The following HSD17B13 variants were observed in gnomAD, a reference collection of about 807,000 sequenced individuals.
HSD17B13 encodes the protein 17-beta-hydroxysteroid dehydrogenase 13.
A neutral mutation model predicts 31.1 loss-of-function variants in HSD17B13; 26 were observed. The ratio of observed to expected loss-of-function variants is 0.84; its 90% CI spans 0.61 to 1.16. The LOEUF (loss-of-function observed/expected upper bound fraction) is 1.16. Among genes scored for constraint, HSD17B13 ranks in the 50% most tolerant of loss-of-function variants. The pLI is 0.00. For missense variants in HSD17B13, 374 were observed against 366.5 expected (o/e 1.02, Z -0.17); for synonymous variants, 141 against 133.7 (o/e 1.05, Z -0.38).
chr4:87,306,101 C>G (rs1350997731), intron 6 of HSD17B13, among the ~76,000 whole-genome samples: 1 of 152,172 alleles, frequency 6.6e-6, no homozygotes, highest in Non-Finnish European at 1.5e-5. Flanking sequence ...AGGTTGCTTA[C>G]GACAGGTCAT....
intron 6 of HSD17B13, among the ~76,000 whole-genome samples, chr4:87,309,279 G>A (rs1020699525): frequency 4.0e-5 from 6 of 151,074 alleles, no homozygotes; most frequent in Admixed American, 6.6e-5. Context: ...AGCTACTTGG[G>A]AGGCTGAGGC....
At position 87,312,782 on chromosome 4, in the gene HSD17B13, G is replaced by T. The variant is rs184682066; in HGVS notation, c.695+1041C>A. The stretch of plus-strand genomic sequence containing the variant: ...TCTTTAAAAACTTATTTTTTTGGCC[G>T]GGCATGGTGGCTCACTCCTGTAATC... On this transcript the variant is annotated intron_variant, in intron 5 of 6. Coordinates refer to ENST00000328546, the MANE Select transcript of HSD17B13 (RefSeq NM_178135.5). Among the ~76,000 whole-genome samples, 30 of 151,412 alleles carry T rather than the reference G, an allele frequency of 2.0e-4. 1 individual carries two copies. The highest frequency in any genetic ancestry group is 1.9e-3 in the Admixed American group (29 of 15,240).
intron 4 of HSD17B13, among the ~76,000 whole-genome samples, chr4:87,315,138 C>G (rs1244344525): frequency 6.6e-6 from 1 of 151,956 alleles, no homozygotes; most frequent in East Asian, 1.9e-4. Context: ...TCTCCATTTA[C>G]ATATGGTGTA....
intron 6 of HSD17B13, among the ~76,000 whole-genome samples, chr4:87,306,953 G>A (rs1349778135): frequency 7.5e-6 from 1 of 132,918 alleles, no homozygotes; most frequent in African/African-American, 2.9e-5. Context: ...GTATGTGAAT[G>A]TAAAGAGGCA....
At chr4:87,317,501 A>G (rs988071581) in intron 2 of HSD17B13, among the ~76,000 whole-genome samples, 1 of 149,188 alleles carries the variant, frequency 6.7e-6, no homozygotes, top group African/African-American at 2.5e-5. Flanking sequence ...ATAAATTCCT[A>G]TATAAATTCT....
chr4:87,321,837 A>G (rs1435663663), intron 1 of HSD17B13, among the ~76,000 whole-genome samples: 1 of 152,230 alleles, frequency 6.6e-6, no homozygotes, highest in Non-Finnish European at 1.5e-5. Flanking sequence ...TAATTTGCAG[A>G]AAATGTGATT....
Position 87,322,868 on chromosome 4 carries a change from G to A in HSD17B13, c.-27C>T. 1 of 1,593,968 alleles carries A rather than the reference G, an allele frequency of 6.3e-7. No homozygotes were observed. The highest frequency in any genetic ancestry group is 1.1e-5 in the South Asian group (1 of 90,410). The stretch of plus-strand genomic sequence containing the variant: ...GCTTTGCTCTGTCCTCTTCCTTCTG[G>A]TTCAGTCCTTGTGTAGTCCTAGGGA... On this transcript the variant is annotated 5_prime_UTR_variant, in exon 1 of 7. Coordinates refer to ENST00000328546, the MANE Select transcript of HSD17B13 (RefSeq NM_178135.5).
At chr4:87,315,339 T>C (rs912167996) in intron 4 of HSD17B13, among the ~76,000 whole-genome samples, 154 bp downstream of exon 4, 10 of 152,236 alleles carry the variant, frequency 6.6e-5, no homozygotes, top group Non-Finnish European at 1.2e-4. Context: ...TCTCTGCTTT[T>C]GTTGCTTCAT....
chr4:87,312,867 C>T (rs1734565284), intron 5 of HSD17B13, among the ~76,000 whole-genome samples: 3 of 151,874 alleles, frequency 2.0e-5, no homozygotes, highest in African/African-American at 4.8e-5. Flanking sequence ...TGAGACCAGC[C>T]TGGCCAACAT....
At chr4:87,316,044 C>A (rs1734642791) in intron 3 of HSD17B13, among the ~76,000 whole-genome samples, 1 of 152,094 alleles carries the variant, frequency 6.6e-6, no homozygotes, top group Non-Finnish European at 1.5e-5. Context: ...AGTTCTACAC[C>A]ACACTAATGA....
At chr4:87,314,655 A>T (rs1734608423) in intron 4 of HSD17B13, among the ~76,000 whole-genome samples, 1 of 151,780 alleles carries the variant, frequency 6.6e-6, no homozygotes, top group Non-Finnish European at 1.5e-5. Flanking sequence ...ACACACACAC[A>T]CACACACACA....
At chr4:87,320,382 G>GTT (rs66590696) in intron 1 of HSD17B13, among the ~76,000 whole-genome samples, 19,696 of 101,280 alleles carry the variant, frequency 0.19, 3,151 homozygotes, top group East Asian at 0.34. Flanking sequence ...TTATTCTTCA[G>GTT]TTTTTTTTTT....
chr4:87,320,363 A>G (rs889513868), intron 1 of HSD17B13, among the ~76,000 whole-genome samples: 3 of 151,534 alleles, frequency 2.0e-5, no homozygotes, highest in Non-Finnish European at 4.4e-5. Context: ...GTTTTGATTG[A>G]AGAATTAATT....
intron 1 of HSD17B13, 61 bp from the exon 2 acceptor site, chr4:87,318,497 A>G (rs1734710594): frequency 7.1e-7 from 1 of 1,399,218 alleles, no homozygotes; most frequent in Non-Finnish European, 1.0e-6. Context: ...GAGAAGAAAA[A>G]TTTTTAGACA....
At chr4:87,307,598 C>T (rs1385803061) in intron 6 of HSD17B13, among the ~76,000 whole-genome samples, 1 of 152,050 alleles carries the variant, frequency 6.6e-6, no homozygotes, top group Non-Finnish European at 1.5e-5. Context: ...CTGCAATCTC[C>T]GCCTTCCGGG....
At chr4:87,310,172 T>TAA (rs375641120) in intron 6 of HSD17B13, 71 bp downstream of exon 6, 2,340 of 1,092,526 alleles carry the variant, frequency 2.1e-3, no homozygotes, top group South Asian at 3.0e-3. Context: ...AGACTCTGTC[T>TAA]AAAAAAAAAA....
intron 2 of HSD17B13, 88 bp downstream of exon 2, chr4:87,318,241 A>C: frequency 1.1e-6 from 1 of 945,014 alleles, no homozygotes; most frequent in Non-Finnish European, 1.7e-6. Context: ...AATTTAAATC[A>C]GGCAGTCATA....
At chr4:87,312,731 C>T (rs1012730629) in intron 5 of HSD17B13, among the ~76,000 whole-genome samples, 2 of 151,388 alleles carry the variant, frequency 1.3e-5, no homozygotes, top group Non-Finnish European at 2.9e-5. Flanking sequence ...CGGGGTTTCA[C>T]TGTGTTAGCC....
rs1578441187 is a variant in HSD17B13, at chr4:87,315,543, T to G, written c.507A>C (p.Thr169=). Reference sequence around the variant, plus strand: ...CTTCGTGGCCGCACACTGAAGCCACTGTGACGATGTGGCCATGATTTCTCT... The same window carrying G: ...CTTCGTGGCCGCACACTGAAGCCACGGTGACGATGTGGCCATGATTTCTCT... ...MMERNHGHIV[T]VASVCGHEGI... The change falls in exon 4 of 7, where the codon ACA becomes ACC. Residue 169 remains threonine, a synonymous_variant. Transcript: ENST00000328546. The G allele has an allele frequency of 6.2e-7, 1 of 1,612,150 alleles. No individual in the cohort carries two copies. Among genetic ancestry groups the G allele is most frequent in the East Asian group, 2.2e-5 (1 of 44,834 alleles).
Sources: gnomAD v4.1 joint callset for allele counts (sites outside exome capture counted in the v4.1 genomes callset) on GRCh38, gnomAD v4.1.1 for gene constraint, MANE v1.5 for transcripts, NCBI Gene and HGNC (gene_info 2026-07-23, HGNC 2026-07-21) for gene names.